The following ATR variants were observed in gnomAD, a reference collection of about 807,000 sequenced individuals.
The protein encoded by ATR is serine/threonine-protein kinase ATR.
Under a neutral mutation model 305.3 loss-of-function variants are expected in ATR, and 142 were observed. The ratio of observed to expected loss-of-function variants is 0.47; its 90% CI spans 0.41 to 0.53. ATR has a LOEUF of 0.53. Ranked by LOEUF, ATR falls within the 20% of genes least tolerant of loss-of-function variation. The pLI is 0.00. For missense variants in ATR, 2,135 were observed against 3,133.1 expected (o/e 0.68, Z 7.60); for synonymous variants, 1,050 against 1,068.1 (o/e 0.98, Z 0.33).
chr3:142,498,726 G>A lies in ATR; in HGVS notation c.5429C>T (p.Ser1810Leu), dbSNP rs748903337. 6.2e-7 allele frequency: 1 copy of A among 1,613,924 alleles called. No individual in the cohort carries two copies. The highest frequency in any genetic ancestry group is 1.7e-5 in the Admixed American group (1 of 59,988). ...WSVRLGQLLLSAKKRDITAFY... is the reference protein window; with the variant it reads ...WSVRLGQLLLLAKKRDITAFY... ...AGCTGTGATATCTCTTTTTTTGGCT[G>A]ATAATAATAGCTGTCCCAGTCTGAC... The change falls in exon 32 of 47, where the codon TCA (serine) becomes TTA (leucine). Residue 1810 changes from serine (S) to leucine (L), a missense_variant. Transcript: ENST00000350721.
At chr3:142,475,495 C>T (rs1336151916) in intron 36 of ATR, among the ~76,000 whole-genome samples, 1 of 152,176 alleles carries the variant, frequency 6.6e-6, no homozygotes, top group Non-Finnish European at 1.5e-5. Flanking sequence ...TCCAGTCTAT[C>T]ATTGTTGGAC....
intron 36 of ATR, among the ~76,000 whole-genome samples, chr3:142,474,907 T>A (rs1214488590): frequency 6.6e-6 from 1 of 151,324 alleles, no homozygotes; most frequent in Non-Finnish European, 1.5e-5. Context: ...CTATACATAT[T>A]TTTTTTTTAA....
chr3:142,478,788 A>G (rs992184906), intron 36 of ATR, among the ~76,000 whole-genome samples: 1 of 152,094 alleles, frequency 6.6e-6, no homozygotes, highest in African/African-American at 2.4e-5. Flanking sequence ...TTGGGTGCAT[A>G]TATATTTAGG....
intron 1 of ATR, among the ~76,000 whole-genome samples, chr3:142,573,453 CAAAAAA>C (rs1218216880): frequency 2.2e-5 from 1 of 45,992 alleles, no homozygotes; most frequent in Non-Finnish European, 4.5e-5. Flanking sequence ...GACTTCATCT[CAAAAAA>C]AAAAAAAAAA....
chr3:142,451,951 T>A (rs1055698753), intron 46 of ATR: 1 of 1,162,604 alleles, frequency 8.6e-7, no homozygotes, highest in Non-Finnish European at 1.1e-6. Flanking sequence ...AGTATATCTA[T>A]CACTTAACGA....
Position 142,470,275 on chromosome 3 carries a change from G to A in ATR, c.6222-92C>T, listed in dbSNP as rs898645382. ...TTAAAGATTCAAACTACCACATACC[G>A]TTTTCACAAAAATTATGGTATCAAT... On this transcript the variant is annotated intron_variant, in intron 36 of 46. Transcript: ENST00000350721. 1.2e-5 allele frequency: 13 copies of A among 1,077,056 alleles called. No homozygotes were observed. The African/African-American group carries it at 1.3e-4, about 11-fold the overall frequency. 66.7% of individuals were successfully genotyped at this position (1,077,056 alleles called of 1,614,324 possible).
intron 3 of ATR, among the ~76,000 whole-genome samples, chr3:142,565,685 T>C (rs1360520854): frequency 1.5e-5 from 2 of 137,652 alleles, no homozygotes; most frequent in Non-Finnish European, 3.0e-5. Context: ...CCCTTGAGTC[T>C]ACCAGTTCAA....
At chr3:142,571,012 A>C (rs1029101269) in intron 1 of ATR, among the ~76,000 whole-genome samples, 1 of 152,196 alleles carries the variant, frequency 6.6e-6, no homozygotes, top group Non-Finnish European at 1.5e-5. Flanking sequence ...ATATAAGTAA[A>C]AAGACAATCC....
intron 39 of ATR, among the ~76,000 whole-genome samples, 186 bp from the exon 40 acceptor site, chr3:142,466,719 G>A (rs1474900522): frequency 6.6e-6 from 1 of 152,060 alleles, no homozygotes; most frequent in Non-Finnish European, 1.5e-5. Flanking sequence ...TCATAGGATT[G>A]TTTAATGATT....
At chr3:142,453,046 G>T in intron 46 of ATR, 82 bp downstream of exon 46, 2 of 1,593,246 alleles carry the variant, frequency 1.3e-6, no homozygotes, top group Non-Finnish European at 1.7e-6. Flanking sequence ...CTCATGCATA[G>T]AGATGAGAAC....
chr3:142,502,657 A>C (rs2032032757), intron 30 of ATR, among the ~76,000 whole-genome samples: 1 of 152,202 alleles, frequency 6.6e-6, no homozygotes, highest in African/African-American at 2.4e-5. Flanking sequence ...TTGGCTTCAG[A>C]GTAGTCCAAA....
At chr3:142,539,925 A>G (rs1292939424) in intron 18 of ATR, among the ~76,000 whole-genome samples, 1 of 152,178 alleles carries the variant, frequency 6.6e-6, no homozygotes, top group African/African-American at 2.4e-5. Flanking sequence ...TTAGTGGGGA[A>G]TTTTATAATA....
At chr3:142,483,888 T>TAA (rs1553756028) in intron 36 of ATR, among the ~76,000 whole-genome samples, 9 of 151,312 alleles carry the variant, frequency 5.9e-5, no homozygotes, top group South Asian at 4.2e-4. Flanking sequence ...TATATATATA[T>TAA]AACCACGAAA....
At chr3:142,530,732 CT>C (rs1455248998) in intron 21 of ATR, among the ~76,000 whole-genome samples, 1 of 152,106 alleles carries the variant, frequency 6.6e-6, no homozygotes, top group South Asian at 2.1e-4. Flanking sequence ...TTTCTTCTTT[CT>C]GTTTATGCCA....
intron 18 of ATR, among the ~76,000 whole-genome samples, chr3:142,539,729 G>A (rs987325934): frequency 6.6e-6 from 1 of 152,076 alleles, no homozygotes. Context: ...AAGCAGCTGG[G>A]ACTACAGATA....
At chr3:142,533,064 C>T (rs1275614084) in intron 21 of ATR, among the ~76,000 whole-genome samples, 1 of 151,910 alleles carries the variant, frequency 6.6e-6, no homozygotes, top group African/African-American at 2.4e-5. Flanking sequence ...TCCCAGAGGC[C>T]CAGGCAAGGG....
intron 21 of ATR, among the ~76,000 whole-genome samples, chr3:142,532,939 T>C (rs1226687701): frequency 6.6e-6 from 1 of 152,206 alleles, no homozygotes; most frequent in African/African-American, 2.4e-5. Flanking sequence ...GGTATTCCTG[T>C]AGGTTCAACC....
Position 142,558,720 on chromosome 3 carries a change from G to C in ATR, c.1789C>G (p.Pro597Ala), listed in dbSNP as rs2108477770. ...LEDLCGMLSL[P>A]WIYSHSDDGC... ...TCATCAGAATGGGAATAAATCCATG[G>C]AAGTGAGAGCATACCACATAAATCT... The change falls in exon 8 of 47, where the codon CCA (proline) becomes GCA (alanine). Residue 597 changes from proline to alanine, a missense_variant. Physicochemically the swap from Pro to Ala is conservative, Grantham distance 27. Coordinates refer to ENST00000350721, the MANE Select transcript of ATR (RefSeq NM_001184.4). The C allele has an allele frequency of 6.2e-7, 1 of 1,612,388 alleles. No individual in the cohort carries two copies. The highest frequency in any genetic ancestry group is 1.7e-5 in the Admixed American group (1 of 59,954).
At chr3:142,494,211 T>C (rs1483720079) in intron 34 of ATR, among the ~76,000 whole-genome samples, 1 of 152,132 alleles carries the variant, frequency 6.6e-6, no homozygotes, top group Non-Finnish European at 1.5e-5. Context: ...TATATGCAAA[T>C]ACTGTGTATG....
Sources: gnomAD v4.1 joint callset for allele counts (sites outside exome capture counted in the v4.1 genomes callset) on GRCh38, gnomAD v4.1.1 for gene constraint, MANE v1.5 for transcripts, NCBI Gene and HGNC (gene_info 2026-07-23, HGNC 2026-07-21) for gene names.